FIP1L1: variants seen among roughly 807,000 people sequenced by gnomAD.
The protein encoded by FIP1L1 is factor interacting with PAPOLA and CPSF1, also known as pre-mRNA 3'-end-processing factor FIP1.
A neutral mutation model predicts 84.6 loss-of-function variants in FIP1L1; 21 were observed. The observed-to-expected ratio is 0.25, with a 90% CI of 0.18 to 0.36. The LOEUF is 0.36. FIP1L1 is among the 10% of genes least tolerant of loss of function. The probability of loss-of-function intolerance (pLI) is 1.00; values close to 1 mark genes in which losing one functional copy is unlikely to be tolerated. For missense variants in FIP1L1, 526 were observed against 751.1 expected (o/e 0.70, Z 3.50); for synonymous variants, 263 against 242.3 (o/e 1.09, Z -0.80).
rs1184216086 is a variant in FIP1L1, at chr4:53,453,002, A to G, written c.1368A>G (p.Arg456=). ...GCAAGCAGTGGGACTATTATGCCAG[A>G]AGAGAGAAAGACCGAGATAGAGAGA... The part of the protein sequence containing the change: ...DTSKQWDYYA[R]REKDRDRERD... Residue 456 remains arginine, a synonymous_variant, in exon 16 of 18, where the codon AGA becomes AGG. Coordinates refer to ENST00000337488, the MANE Select transcript of FIP1L1 (RefSeq NM_030917.4). The G allele has an allele frequency of 1.9e-6, 3 of 1,613,754 alleles. No homozygotes were observed. The African/African-American group carries it at 4.0e-5, about 22-fold the overall frequency.
Position 53,433,973 on chromosome 4 carries a change from G to A in FIP1L1, c.1174+5790G>A, listed in dbSNP as rs556701125. Among the ~76,000 whole-genome samples the A allele has an allele frequency of 2.2e-4, 33 of 152,148 alleles. 1 individual carries two copies. The highest frequency in any genetic ancestry group is 4.1e-4 in the Non-Finnish European group (28 of 67,998). ...GGGTCAGGGGGTGGGGGCGGGTGGC[G>A]AGTTGCTCATATCTAGGGTCATTCT... On this transcript the variant is annotated intron_variant, in intron 13 of 17. Coordinates refer to ENST00000337488, the MANE Select transcript of FIP1L1 (RefSeq NM_030917.4).
At chr4:53,413,512 C>T (rs1346537100) in intron 10 of FIP1L1, among the ~76,000 whole-genome samples, 1 of 151,852 alleles carries the variant, frequency 6.6e-6, no homozygotes, top group Non-Finnish European at 1.5e-5. Flanking sequence ...TTCCCTATTC[C>T]ATATTGCATC....
At chr4:53,398,484 T>G (rs1748572351) in intron 9 of FIP1L1, among the ~76,000 whole-genome samples, 2 of 152,174 alleles carry the variant, frequency 1.3e-5, no homozygotes, top group Admixed American at 6.5e-5. Context: ...GGTAGATGAT[T>G]TTGGAATTGA....
At chr4:53,432,135 C>T (rs1429960400) in intron 13 of FIP1L1, among the ~76,000 whole-genome samples, 2 of 152,042 alleles carry the variant, frequency 1.3e-5, no homozygotes. Flanking sequence ...GTGGCTCATA[C>T]CTGTAATTTC....
At chr4:53,382,189 C>T (rs1738446634) in intron 3 of FIP1L1, 89 bp from the exon 4 acceptor site, 3 of 879,374 alleles carry the variant, frequency 3.4e-6, no homozygotes, top group Non-Finnish European at 5.4e-6. Context: ...ATTTTAGGAG[C>T]TTTATTAAAG....
chr4:53,458,368 A>G (rs1192414181), intron 16 of FIP1L1, among the ~76,000 whole-genome samples: 3 of 152,176 alleles, frequency 2.0e-5, no homozygotes, highest in African/African-American at 7.2e-5. Context: ...AAAAAACCAA[A>G]GCATTGTTAT....
intron 10 of FIP1L1, among the ~76,000 whole-genome samples, chr4:53,406,079 C>G (rs938863250): frequency 6.6e-6 from 1 of 152,052 alleles, no homozygotes; most frequent in African/African-American, 2.4e-5. Context: ...GCATCCCTGT[C>G]TTGTGCCAGT....
At chr4:53,410,327 G>C (rs1234008458) in intron 10 of FIP1L1, among the ~76,000 whole-genome samples, 1 of 152,180 alleles carries the variant, frequency 6.6e-6, no homozygotes, top group Non-Finnish European at 1.5e-5. Context: ...CTGTAGAATG[G>C]TCGTTGAGTT....
intron 9 of FIP1L1, among the ~76,000 whole-genome samples, chr4:53,395,316 G>A (rs1343188349): frequency 6.6e-6 from 1 of 152,186 alleles, no homozygotes; most frequent in Non-Finnish European, 1.5e-5. Flanking sequence ...GGCAATTTTT[G>A]TGTGTTTAAA....
At chr4:53,432,767 G>C (rs922590771) in intron 13 of FIP1L1, among the ~76,000 whole-genome samples, 1 of 152,152 alleles carries the variant, frequency 6.6e-6, no homozygotes, top group African/African-American at 2.4e-5. Context: ...TCTAACCCAG[G>C]CAGTTTTGCT....
At chr4:53,431,611 T>C (rs1766700391) in intron 13 of FIP1L1, among the ~76,000 whole-genome samples, 1 of 542 alleles carries the variant, frequency 1.8e-3, no homozygotes, top group African/African-American at 3.3e-3. Context: ...TACTAGATTT[T>C]TGTTTTGTTT....
intron 6 of FIP1L1, among the ~76,000 whole-genome samples, 164 bp downstream of exon 6, chr4:53,390,037 CA>C (rs1252695464): frequency 6.6e-6 from 1 of 152,006 alleles, no homozygotes; most frequent in Non-Finnish European, 1.5e-5. Context: ...CTCCTGGGCT[CA>C]AACCATCCTC....
At chr4:53,395,304 C>T (rs1002904436) in intron 9 of FIP1L1, among the ~76,000 whole-genome samples, 5 of 152,176 alleles carry the variant, frequency 3.3e-5, no homozygotes, top group Admixed American at 6.5e-5. Flanking sequence ...CTGGGAAACA[C>T]GGGCAATTTT....
chr4:53,387,826 T>C (rs1741946493), intron 5 of FIP1L1, among the ~76,000 whole-genome samples: 1 of 152,212 alleles, frequency 6.6e-6, no homozygotes. Context: ...TAGATACCGC[T>C]AAGTCACTTT....
intron 1 of FIP1L1, chr4:53,378,293 C>G (rs1735805608): frequency 9.8e-6 from 2 of 203,922 alleles, no homozygotes; most frequent in Non-Finnish European, 2.0e-5. Flanking sequence ...TGTTTTTGCC[C>G]TGTGGCCTTA....
intron 10 of FIP1L1, among the ~76,000 whole-genome samples, chr4:53,407,732 C>G (rs1391320395): frequency 6.6e-6 from 1 of 152,020 alleles, no homozygotes; most frequent in East Asian, 1.9e-4. Context: ...TGAATTGATC[C>G]CTTTAGCATT....
chr4:53,385,948 C>T (rs988156211), intron 5 of FIP1L1, among the ~76,000 whole-genome samples: 1 of 151,812 alleles, frequency 6.6e-6, no homozygotes, highest in Non-Finnish European at 1.5e-5. Context: ...TTTACTTATG[C>T]ACAGCGTTTT....
chr4:53,402,903 C>T (rs368171584), intron 10 of FIP1L1, among the ~76,000 whole-genome samples: 2 of 152,126 alleles, frequency 1.3e-5, no homozygotes, highest in African/African-American at 4.8e-5. Flanking sequence ...AGGCAGGATA[C>T]AGGGCACCAG....
At chr4:53,384,041 A>AGTATTTGTTTTAG (rs1739520650) in intron 5 of FIP1L1, among the ~76,000 whole-genome samples, 165 bp downstream of exon 5, 1 of 152,238 alleles carries the variant, frequency 6.6e-6, no homozygotes, top group South Asian at 2.1e-4. Context: ...TTGCTAAAAT[A>AGTATTTGTTTTAG]CAGTTAATTG....
Sources: gnomAD v4.1 joint callset for allele counts (sites outside exome capture counted in the v4.1 genomes callset) on GRCh38, gnomAD v4.1.1 for gene constraint, MANE v1.5 for transcripts, NCBI Gene and HGNC (gene_info 2026-07-23, HGNC 2026-07-21) for gene names.